CPN1: variants seen among roughly 807,000 people sequenced by gnomAD.
The protein encoded by CPN1 is carboxypeptidase N subunit 1.
In CPN1, 37 loss-of-function variants were observed where a neutral mutation model predicts 46.4. The observed-to-expected ratio is 0.80, with a 90% CI of 0.61 to 1.05. The LOEUF is 1.05. Ranked by LOEUF, CPN1 falls within the 50% of genes least tolerant of loss-of-function variation. The pLI is 0.00. For missense variants in CPN1, 563 were observed against 602.6 expected, an observed-to-expected ratio of 0.93 and a Z score of 0.69; for synonymous variants, 224 against 235.4, an observed-to-expected ratio of 0.95 and a Z score of 0.44.
At chr10:100,047,668 T>A (rs1374854354) in intron 8 of CPN1, among the ~76,000 whole-genome samples, 1 of 152,078 alleles carries the variant, frequency 6.6e-6, no homozygotes, top group Non-Finnish European at 1.5e-5. Context: ...GTTAAATAAA[T>A]TGGTATGCTC....
chr10:100,052,033 C>T (rs1007587432), intron 7 of CPN1, among the ~76,000 whole-genome samples: 1 of 151,368 alleles, frequency 6.6e-6, no homozygotes, highest in Non-Finnish European at 1.5e-5. Context: ...CTCAGCTTCC[C>T]GAGTAGCTGG....
chr10:100,062,171 C>T (rs2041423188), intron 5 of CPN1, among the ~76,000 whole-genome samples: 1 of 152,354 alleles, frequency 6.6e-6, no homozygotes, highest in South Asian at 2.1e-4. Context: ...TGGGGAAAGA[C>T]AGGTGCTAGA....
intron 5 of CPN1, among the ~76,000 whole-genome samples, chr10:100,062,022 C>A (rs527836457): frequency 6.1e-4 from 92 of 152,044 alleles, no homozygotes; most frequent in Non-Finnish European, 1.0e-3. Flanking sequence ...TGTATTCAAG[C>A]GAGTTTTTGT....
At chr10:100,058,078 C>T (rs888386791) in intron 5 of CPN1, among the ~76,000 whole-genome samples, 1 of 152,128 alleles carries the variant, frequency 6.6e-6, no homozygotes, top group Admixed American at 6.6e-5. Flanking sequence ...TCCTCCATAA[C>T]ATTTTTCCCA....
At chr10:100,048,906 A>G (rs753988278) in intron 7 of CPN1, 30 bp from the exon 8 acceptor site, 2 of 1,542,826 alleles carry the variant, frequency 1.3e-6, no homozygotes, top group Non-Finnish European at 1.8e-6. Context: ...AACTCAGTCT[A>G]CTGATTAAAA....
chr10:100,057,187 C>G, intron 5 of CPN1, 35 bp from the exon 6 acceptor site: 1 of 1,611,186 alleles, frequency 6.2e-7, no homozygotes, highest in South Asian at 1.1e-5. Context: ...ATTTCCATAA[C>G]CAGGTTCCCA....
chr10:100,081,523 G>GAT lies in CPN1; in HGVS notation c.102_103insAT (p.Leu35IlefsTer62). ...GGGCATTCGTTTTGCACCTTGTACA[G>GAT]CGTCCGCACAAGATCATCATAGCGG... is the stretch of plus-strand genomic sequence containing the variant. On this transcript the variant is annotated frameshift_variant, in exon 1 of 9. Transcript: ENST00000370418. LOFTEE classifies it high-confidence loss of function. 2 of 1,614,210 alleles carry GAT rather than the reference G, an allele frequency of 1.2e-6. No homozygotes were observed. Among genetic ancestry groups the GAT allele is most frequent in the Admixed American group, 3.3e-5 (2 of 60,016 alleles).
intron 5 of CPN1, among the ~76,000 whole-genome samples, 179 bp downstream of exon 5, chr10:100,063,435 T>A (rs1455698450): frequency 1.3e-5 from 2 of 152,114 alleles, no homozygotes; most frequent in African/African-American, 4.8e-5. Context: ...CCACCTTAGT[T>A]TTAAAGAATC....
In CPN1 at chr10:100,042,581, A is replaced by G. The variant is rs765006535; in HGVS notation, c.1231-8T>C. On this transcript the variant is annotated splice_region_variant and splice_polypyrimidine_tract_variant and intron_variant, in intron 8 of 8. Transcript: ENST00000370418. ...TTTGAGGTGGAAGTTAACCTGGAAG[A>G]AAAAAAGCAGGAGCTACGAGATCCG... The G allele has an allele frequency of 4.6e-5, 74 of 1,613,576 alleles. No individual in the cohort carries two copies. The highest frequency in any genetic ancestry group is 5.6e-5 in the Non-Finnish European group (66 of 1,179,864).
chr10:100,079,593 T>G lies in CPN1; in HGVS notation c.223+1810A>C, dbSNP rs552617701. Among the ~76,000 whole-genome samples, 10 of 152,260 alleles carry G rather than the reference T, an allele frequency of 6.6e-5. No homozygotes were observed. The South Asian group carries it at 1.7e-3, about 25-fold the overall frequency. On this transcript the variant is annotated intron_variant, in intron 1 of 8. Transcript: ENST00000370418. ...GACAGCAGGCTGCTTGCTATGGAAGTGCAGTTTCAAAGCGAGGCAATTATC... is the reference window on the plus strand; with the variant it reads ...GACAGCAGGCTGCTTGCTATGGAAGGGCAGTTTCAAAGCGAGGCAATTATC...
chr10:100,062,104 C>G (rs2041422234), intron 5 of CPN1, among the ~76,000 whole-genome samples: 1 of 152,212 alleles, frequency 6.6e-6, no homozygotes, highest in Admixed American at 6.5e-5. Context: ...GGACCAGCCA[C>G]CAACTCAGTT....
Position 100,069,748 on chromosome 10 carries a change from T to A in CPN1, c.542A>T (p.His181Leu), listed in dbSNP as rs750621450. The A allele has an allele frequency of 6.2e-7, 1 of 1,613,924 alleles. No homozygotes were observed. The highest frequency in any genetic ancestry group is 1.7e-5 in the Admixed American group (1 of 59,950). ...CCAGTTGTCTGGAAGGGGCAGGTGG[T>A]GGTTGGGGCCTCCGTACTTCTCGTT... The part of the protein sequence containing the change: ...YYNEKYGGPN[H>L]HLPLPDNWKS... Residue 181 changes from histidine (H) to leucine (L), a missense_variant, in exon 3 of 9, where the codon CAC becomes CTC. Transcript: ENST00000370418.
intron 6 of CPN1, among the ~76,000 whole-genome samples, chr10:100,055,569 G>A (rs1330560962): frequency 6.6e-6 from 1 of 152,108 alleles, no homozygotes; most frequent in Non-Finnish European, 1.5e-5. Flanking sequence ...TCGTTGCCCA[G>A]GCTGGAGTGC....
chr10:100,051,476 C>CTAT (rs2041352743), intron 7 of CPN1, among the ~76,000 whole-genome samples: 2 of 152,060 alleles, frequency 1.3e-5, no homozygotes, highest in Admixed American at 6.6e-5. Context: ...AGATGCTTTG[C>CTAT]TAAGTAATAT....
chr10:100,056,291 C>T (rs2041384002), intron 6 of CPN1, among the ~76,000 whole-genome samples: 1 of 152,064 alleles, frequency 6.6e-6, no homozygotes, highest in Non-Finnish European at 1.5e-5. Context: ...TTTGTATTTG[C>T]AGTTGTGTCC....
At chr10:100,048,948 G>T in intron 7 of CPN1, 72 bp from the exon 8 acceptor site, 1 of 1,236,012 alleles carries the variant, frequency 8.1e-7, no homozygotes, top group Non-Finnish European at 1.2e-6. Context: ...GTTTTTATCT[G>T]ACTACAAGGT....
At chr10:100,045,629 T>G (rs2133423508) in intron 8 of CPN1, among the ~76,000 whole-genome samples, 1 of 152,352 alleles carries the variant, frequency 6.6e-6, no homozygotes, top group East Asian at 1.9e-4. Flanking sequence ...CCAGAGAGCC[T>G]GATATAGGTT....
intron 7 of CPN1, among the ~76,000 whole-genome samples, chr10:100,051,342 G>C (rs1280342071): frequency 6.6e-6 from 1 of 151,904 alleles, no homozygotes; most frequent in African/African-American, 2.4e-5. Context: ...ACACCCCAGG[G>C]GTTGTCATTT....
In CPN1 at chr10:100,048,866, A is replaced by G. The variant is rs1435496298; in HGVS notation, c.1122T>C (p.Gly374=). 1.4e-5 allele frequency: 23 copies of G among 1,611,974 alleles called. No homozygotes were observed. The highest frequency in any genetic ancestry group is 2.0e-5 in the Non-Finnish European group (23 of 1,178,168). ...CTGGAAGCAGCAGCCGGAAGTAATC[A>G]CCATGGTCACCTGAAAGTCACAAAG... is the stretch of plus-strand genomic sequence containing the variant. ...INHDVTSGDH[G]DYFRLLLPGI... is the part of the protein sequence containing the mutation. Residue 374 remains glycine (G), a synonymous_variant, in exon 8 of 9, where the codon GGT becomes GGC. Transcript: ENST00000370418.
Sources: allele counts gnomAD v4.1 joint callset (sites outside exome capture counted in the v4.1 genomes callset), GRCh38; gene constraint gnomAD v4.1.1; transcripts MANE v1.5; gene names NCBI Gene and HGNC (gene_info 2026-07-23, HGNC 2026-07-21).